FHIT: variants seen among roughly 807,000 people sequenced by gnomAD.
The protein encoded by FHIT is fragile histidine triad diadenosine triphosphatase, also known as bis(5'-adenosyl)-triphosphatase.
In FHIT, 19 loss-of-function variants were observed where a neutral mutation model predicts 17.9. That is an observed-to-expected ratio of 1.06 (90% confidence interval 0.74 to 1.56). FHIT has a LOEUF of 1.56. Ranked by LOEUF, FHIT falls within the 40% of genes most tolerant of loss-of-function variation. FHIT has a pLI of 0.00. For missense variants in FHIT, 248 were observed against 189.2 expected (o/e 1.31, Z -1.82); for synonymous variants, 81 against 69.7 (o/e 1.16, Z -0.81).
chr3:59,779,573 T>C (rs1250622961), intron 8 of FHIT, among the ~76,000 whole-genome samples: 2 of 152,162 alleles, frequency 1.3e-5, no homozygotes, highest in Non-Finnish European at 2.9e-5. Flanking sequence ...AAAACATCAT[T>C]TTTTCAAAAC....
chr3:60,764,652 T>C (rs1426360681), intron 4 of FHIT, among the ~76,000 whole-genome samples: 3 of 152,114 alleles, frequency 2.0e-5, no homozygotes, highest in African/African-American at 7.2e-5. Context: ...ATATTTTGAC[T>C]CACTCTGTAA....
At chr3:60,837,905 T>G (rs1294376541) in intron 3 of FHIT, among the ~76,000 whole-genome samples, 126 of 152,262 alleles carry the variant, frequency 8.3e-4, no homozygotes, top group Non-Finnish European at 2.8e-4. Context: ...TCCCTTTATC[T>G]TCCCCATTTA....
chr3:60,803,471 G>A (rs1346105648), intron 4 of FHIT, among the ~76,000 whole-genome samples: 1 of 152,124 alleles, frequency 6.6e-6, no homozygotes, highest in African/African-American at 2.4e-5. Flanking sequence ...CTCTTTCTAG[G>A]GGAAATTAAA....
At chr3:59,991,326 G>C (rs1709224188) in intron 7 of FHIT, among the ~76,000 whole-genome samples, 1 of 152,028 alleles carries the variant, frequency 6.6e-6, no homozygotes, top group Non-Finnish European at 1.5e-5. Context: ...AAAAGACTAA[G>C]ATCTTCTCCA....
intron 7 of FHIT, among the ~76,000 whole-genome samples, chr3:59,947,164 C>T (rs1447280109): frequency 4.6e-5 from 7 of 152,118 alleles, no homozygotes; most frequent in African/African-American, 4.8e-5. Flanking sequence ...AGTTGTTGGG[C>T]AATTTATTAC....
chr3:60,065,950 T>C (rs1205660668), intron 5 of FHIT, among the ~76,000 whole-genome samples: 2 of 152,144 alleles, frequency 1.3e-5, no homozygotes, highest in African/African-American at 2.4e-5. Context: ...ATCTTGCAAA[T>C]AGGCAGATTA....
intron 3 of FHIT, among the ~76,000 whole-genome samples, chr3:61,029,904 G>C (rs1418119729): frequency 6.6e-6 from 1 of 152,186 alleles, no homozygotes; most frequent in Non-Finnish European, 1.5e-5. Context: ...CTATCACCTA[G>C]GAGCTTGTTA....
chr3:60,062,546 C>T (rs370491936), intron 5 of FHIT, among the ~76,000 whole-genome samples: 1 of 152,262 alleles, frequency 6.6e-6, no homozygotes, highest in South Asian at 2.1e-4. Flanking sequence ...ATGGTAGGGC[C>T]TGAATTTAAC....
intron 4 of FHIT, among the ~76,000 whole-genome samples, chr3:60,673,158 A>G (rs1166265967): frequency 6.6e-6 from 1 of 152,144 alleles, no homozygotes; most frequent in Non-Finnish European, 1.5e-5. Context: ...TATATATATT[A>G]TTCCATATAT....
chr3:60,731,146 A>C (rs946067473), intron 4 of FHIT, among the ~76,000 whole-genome samples: 1 of 151,984 alleles, frequency 6.6e-6, no homozygotes, highest in Non-Finnish European at 1.5e-5. Context: ...TAAATAAATA[A>C]ATAAAAATAA....
At chr3:59,900,046 C>T (rs1012778266) in intron 8 of FHIT, among the ~76,000 whole-genome samples, 3 of 152,196 alleles carry the variant, frequency 2.0e-5, no homozygotes, top group African/African-American at 7.2e-5. Flanking sequence ...ATCGTTTGCC[C>T]ACAACCCCTG....
chr3:61,034,362 T>C (rs1019632052), intron 3 of FHIT, among the ~76,000 whole-genome samples: 3 of 152,152 alleles, frequency 2.0e-5, no homozygotes, highest in African/African-American at 4.8e-5. Flanking sequence ...GTAAATCATA[T>C]ATTTGACAAG....
At chr3:59,770,474 G>A (rs1029063598) in intron 8 of FHIT, among the ~76,000 whole-genome samples, 1 of 152,176 alleles carries the variant, frequency 6.6e-6, no homozygotes, top group African/African-American at 2.4e-5. Context: ...GAAGATGAAG[G>A]CAAAGATTGG....
At chr3:60,590,419 T>C (rs1553663804) in intron 4 of FHIT, among the ~76,000 whole-genome samples, 1 of 152,112 alleles carries the variant, frequency 6.6e-6, no homozygotes, top group Non-Finnish European at 1.5e-5. Context: ...GACAACATGC[T>C]GTTTCTTCCA....
chr3:60,261,647 G>A (rs1706306783), intron 5 of FHIT, among the ~76,000 whole-genome samples: 1 of 151,998 alleles, frequency 6.6e-6, no homozygotes. Context: ...TAATGGATAA[G>A]CTTGACTTTG....
At chr3:61,210,219 G>C (rs577620631) in intron 1 of FHIT, among the ~76,000 whole-genome samples, 36 of 152,278 alleles carry the variant, frequency 2.4e-4, no homozygotes, top group African/African-American at 6.5e-4. Flanking sequence ...CGCCCCTAGT[G>C]CGGGGTACCT....
chr3:60,405,438 C>T (rs1453408774), intron 5 of FHIT, among the ~76,000 whole-genome samples: 5 of 152,218 alleles, frequency 3.3e-5, no homozygotes, highest in Admixed American at 2.6e-4. Flanking sequence ...CGCATGACCC[C>T]TCTCCACTGA....
chr3:59,864,518 G>A (rs1702548244), intron 8 of FHIT, among the ~76,000 whole-genome samples: 1 of 151,746 alleles, frequency 6.6e-6, no homozygotes, highest in African/African-American at 2.4e-5. Flanking sequence ...AATATAGCAT[G>A]TTAGAAATAT....
intron 7 of FHIT, among the ~76,000 whole-genome samples, chr3:59,952,193 T>C (rs1707149578): frequency 6.6e-6 from 1 of 152,222 alleles, no homozygotes; most frequent in South Asian, 2.1e-4. Flanking sequence ...ACTGGATTTT[T>C]TTCATCGTAT....
Sources: gnomAD v4.1 joint callset for allele counts (sites outside exome capture counted in the v4.1 genomes callset) on GRCh38, gnomAD v4.1.1 for gene constraint, MANE v1.5 for transcripts, NCBI Gene and HGNC (gene_info 2026-07-23, HGNC 2026-07-21) for gene names.